PRSS16: variants seen among roughly 807,000 people sequenced by gnomAD.
PRSS16 encodes the protein thymus-specific serine protease.
A neutral mutation model predicts 61.7 loss-of-function variants in PRSS16; 43 were observed. The observed-to-expected ratio is 0.70, with a 90% CI of 0.55 to 0.90. PRSS16 has a LOEUF of 0.90. PRSS16 is among the 40% of genes least tolerant of loss of function. The pLI is 0.00. For synonymous variants in PRSS16, 273 were observed against 285.2 expected, an observed-to-expected ratio of 0.96 and a Z score of 0.43; for missense variants, 591 against 659.1, an observed-to-expected ratio of 0.90 and a Z score of 1.13.
At position 27,255,040 on chromosome 6, in the gene PRSS16, A is replaced by G. The variant is rs1356028982; in HGVS notation, c.1385A>G (p.Glu462Gly). 6.2e-7 allele frequency: 1 copy of G among 1,613,846 alleles called. No individual in the cohort carries two copies. The highest frequency in any genetic ancestry group is 8.5e-7 in the Non-Finnish European group (1 of 1,179,796). Residue 462 changes from glutamate to glycine, a missense_variant, in exon 11 of 12, where the codon GAA becomes GGA. Glu to Gly is a moderately conservative substitution (Grantham distance 98). Transcript: ENST00000230582. This position sits in a 1 kb window ranked among gnomAD's most constrained non-coding sequence, Gnocchi z 4.4. ...LSVTQALGSSESTLLIRTGSH... is the reference protein window; with the variant it reads ...LSVTQALGSSGSTLLIRTGSH... Reference sequence around the variant, plus strand: ...GTAACACAGGCTTTAGGATCCTCAGAATCAACTCTTCTTATCCGCACTGGC... The same window carrying G: ...GTAACACAGGCTTTAGGATCCTCAGGATCAACTCTTCTTATCCGCACTGGC...
rs1759896334 is a variant in PRSS16 at position 27,251,464 on chromosome 6, A to C, written c.717+200A>C. The C allele has an allele frequency of 3.8e-6, 3 of 786,076 alleles. No individual in the cohort carries two copies. The highest frequency in any genetic ancestry group is 5.9e-6 in the Non-Finnish European group (3 of 511,166). 48.7% of individuals were successfully genotyped at this position (786,076 alleles called of 1,614,324 possible). ...CACCAGGAAAAGAGGCGCTCCCCAG[A>C]GAGGGCGGGGTTTGGGCAGGGACAA... On this transcript the variant is annotated intron_variant, in intron 7 of 11. Coordinates refer to ENST00000230582, the MANE Select transcript of PRSS16 (RefSeq NM_005865.4). The surrounding 1 kb of genome is among the most constrained non-coding windows in gnomAD (Gnocchi z 5.6).
rs1237213412 is a variant in PRSS16 at position 27,256,258 on chromosome 6, C to G, written c.*943C>G. 6.5e-6 allele frequency: 1 copy of G among 152,762 alleles called. No individual in the cohort carries two copies. Among genetic ancestry groups the G allele is most frequent in the East Asian group, 1.9e-4 (1 of 5,204 alleles). 9.5% of individuals were successfully genotyped at this position (152,762 alleles called of 1,614,324 possible). A position where few individuals can be genotyped will look rare whatever the true frequency, so the allele number is the denominator to read the frequency against. On this transcript the variant is annotated 3_prime_UTR_variant, in exon 12 of 12. Coordinates refer to ENST00000230582, the MANE Select transcript of PRSS16 (RefSeq NM_005865.4). ...TCTTTTCCCACAATCAAATATCACTCCCTGGTACTTCCAGCTTCCAACTCT... is the reference window on the plus strand; with the variant it reads ...TCTTTTCCCACAATCAAATATCACTGCCTGGTACTTCCAGCTTCCAACTCT...
intron 9 of PRSS16, chr6:27,254,419 T>C: frequency 2.5e-6 from 1 of 393,450 alleles, no homozygotes; most frequent in South Asian, 5.3e-5. Flanking sequence ...GTTCTACTAA[T>C]TTCTCAAGGT....
At chr6:27,249,270 G>A in intron 4 of PRSS16, 41 bp downstream of exon 4, 1 of 1,596,326 alleles carries the variant, frequency 6.3e-7, no homozygotes, top group East Asian at 2.2e-5. Flanking sequence ...CAAAGGACAG[G>A]AATGTCTGTG....
Position 27,251,421 on chromosome 6 carries a change from G to A in PRSS16, c.717+157G>A, listed in dbSNP as rs1176060104. 5.0e-6 allele frequency: 5 copies of A among 1,008,162 alleles called. No homozygotes were observed. Among genetic ancestry groups the A allele is most frequent in the Non-Finnish European group, 7.0e-6 (5 of 711,864 alleles). The allele number at this position is 1,008,162 out of a possible 1,614,324, so 62.5% of individuals were successfully genotyped here. ...ACGCAGGTTTTGGAAGAAGGCGGGA[G>A]CTGACGAAGAGGAGGGGCACCAGGA... On this transcript the variant is annotated intron_variant, in intron 7 of 11. Coordinates refer to ENST00000230582, the MANE Select transcript of PRSS16 (RefSeq NM_005865.4). This position sits in a 1 kb window ranked among gnomAD's most constrained non-coding sequence, Gnocchi z 5.6.
chr6:27,255,342 T>C lies in PRSS16; in HGVS notation c.*27T>C. 6.3e-7 allele frequency: 1 copy of C among 1,578,852 alleles called. No individual in the cohort carries two copies. The highest frequency in any genetic ancestry group is 8.7e-7 in the Non-Finnish European group (1 of 1,154,542). On this transcript the variant is annotated 3_prime_UTR_variant, in exon 12 of 12. Transcript: ENST00000230582. This position sits in a 1 kb window ranked among gnomAD's most constrained non-coding sequence, Gnocchi z 4.4. ...TCTCATACCCTTTCCACTCCCTGCA[T>C]GGTCACCTCAGTCCTGGACATACTT...
In PRSS16 at chr6:27,254,993, A is replaced by G. The variant is rs1445325432; in HGVS notation, c.1338A>G (p.Thr446=). Residue 446 remains threonine, a synonymous_variant, in exon 11 of 12, where the codon ACA becomes ACG. Coordinates refer to ENST00000230582, the MANE Select transcript of PRSS16 (RefSeq NM_005865.4). ...ANKVLFVNGD[T]DPWHVLSVTQ... ...CCTATCCTTTCTTTCCAGGGGACAC[A>G]GACCCCTGGCATGTGCTAAGTGTAA... The G allele has an allele frequency of 2.5e-6, 4 of 1,612,314 alleles. No individual in the cohort carries two copies. The highest frequency in any genetic ancestry group is 3.4e-6 in the Non-Finnish European group (4 of 1,178,474).
Position 27,251,787 on chromosome 6 carries a change from A to AGCGGCGGCTGCGCTCGGGTGGG in PRSS16, c.761_782dup (p.Gln262AlafsTer25), listed in dbSNP as rs762943114. ...GTGTCCGTCGCCTTCGCTGAAGTGG[A>AGCGGCGGCTGCGCTCGGGTGGG]GCGGCGGCTGCGCTCGGGTGGGGCG... is the stretch of plus-strand genomic sequence containing the variant. On this transcript the variant is annotated frameshift_variant, in exon 8 of 12. Transcript: ENST00000230582. LOFTEE classifies it high-confidence loss of function. The surrounding 1 kb of genome is among the most constrained non-coding windows in gnomAD (Gnocchi z 5.6). 4 of 1,608,620 alleles carry AGCGGCGGCTGCGCTCGGGTGGG rather than the reference A, an allele frequency of 2.5e-6. No homozygotes were observed. The highest frequency in any genetic ancestry group is 3.4e-6 in the Non-Finnish European group (4 of 1,178,990).
rs548483879 is a variant in PRSS16 at position 27,251,532 on chromosome 6, G to A, written c.718-218G>A. On this transcript the variant is annotated intron_variant, in intron 7 of 11. Coordinates refer to ENST00000230582, the MANE Select transcript of PRSS16 (RefSeq NM_005865.4). This position sits in a 1 kb window ranked among gnomAD's most constrained non-coding sequence, Gnocchi z 5.6. ...GCTCAAGGTGGGGCGGGGCCACAAT[G>A]GAGGACGGGGCCTGCAGGGAAGACC... The A allele has an allele frequency of 2.8e-6, 2 of 726,866 alleles. No homozygotes were observed. The highest frequency in any genetic ancestry group is 3.6e-5 in the African/African-American group (2 of 55,084). The allele number at this position is 726,866 out of a possible 1,614,324, so 45.0% of individuals were successfully genotyped here.
rs1240043920 is a variant in PRSS16, at chr6:27,247,817, G to T, written c.70+10G>T. On this transcript the variant is annotated intron_variant, in intron 1 of 11. Transcript: ENST00000230582. ...GGACTCTTGGCTCCAGGTAAGAGGA[G>T]GCTGAGGGTCAAGCAGGGCATCCTA... 5 of 1,613,444 alleles carry T rather than the reference G, an allele frequency of 3.1e-6. No homozygotes were observed. The South Asian group carries it at 4.4e-5, about 14-fold the overall frequency.
At position 27,256,449 on chromosome 6, in the gene PRSS16, C is replaced by G. The variant is rs1760031940; in HGVS notation, c.*1134C>G. On this transcript the variant is annotated 3_prime_UTR_variant, in exon 12 of 12. Transcript: ENST00000230582. ...ATTTTCAGCAATAAATACTTCTCAG[C>G]TTTTTGTATGTCTTTGTATGCACAG... 1 of 152,644 alleles carries G rather than the reference C, an allele frequency of 6.6e-6. No homozygotes were observed. The highest frequency in any genetic ancestry group is 6.5e-5 in the Admixed American group (1 of 15,282). The allele number at this position is 152,644 out of a possible 1,614,324, so 9.5% of individuals were successfully genotyped here. A position where few individuals can be genotyped will look rare whatever the true frequency, so the allele number is the denominator to read the frequency against.
Position 27,251,575 on chromosome 6 carries a change from A to C in PRSS16, c.718-175A>C. The C allele has an allele frequency of 2.6e-6, 1 of 389,340 alleles. No individual in the cohort carries two copies. The highest frequency in any genetic ancestry group is 3.6e-6 in the Non-Finnish European group (1 of 274,036). 24.1% of individuals were successfully genotyped at this position (389,340 alleles called of 1,614,324 possible). On this transcript the variant is annotated intron_variant, in intron 7 of 11. Coordinates refer to ENST00000230582, the MANE Select transcript of PRSS16 (RefSeq NM_005865.4). The surrounding 1 kb of genome is among the most constrained non-coding windows in gnomAD (Gnocchi z 5.6). ...GGAAGACCCGAGAAGGAGGGCTGCG[A>C]GGCAGGGGATTGGGGGCGGGGGCCT... is the stretch of plus-strand genomic sequence containing the variant.
chr6:27,255,432 A>C lies in PRSS16; in HGVS notation c.*117A>C. 2 of 1,074,272 alleles carry C rather than the reference A, an allele frequency of 1.9e-6. No homozygotes were observed. The highest frequency in any genetic ancestry group is 2.7e-6 in the Non-Finnish European group (2 of 738,426). 66.5% of individuals were successfully genotyped at this position (1,074,272 alleles called of 1,614,324 possible). On this transcript the variant is annotated 3_prime_UTR_variant, in exon 12 of 12. Coordinates refer to ENST00000230582, the MANE Select transcript of PRSS16 (RefSeq NM_005865.4). This position sits in a 1 kb window ranked among gnomAD's most constrained non-coding sequence, Gnocchi z 4.4. ...AAACTCCCAGGAATTGGAATTCAGCACCTGTTCCGCACGTAATTGGCATGT... is the reference window on the plus strand; with the variant it reads ...AAACTCCCAGGAATTGGAATTCAGCCCCTGTTCCGCACGTAATTGGCATGT...
At position 27,248,043 on chromosome 6, in the gene PRSS16, C is replaced by A. The variant is rs1488393588; in HGVS notation, c.232C>A (p.Leu78Ile). Residue 78 changes from leucine to isoleucine, a missense_variant, in exon 2 of 12, where the codon CTA becomes ATA. Coordinates refer to ENST00000230582, the MANE Select transcript of PRSS16 (RefSeq NM_005865.4). ...PFNVSDRRSFLQRYWVNDQHW... is the reference protein window; with the variant it reads ...PFNVSDRRSFIQRYWVNDQHW... The stretch of plus-strand genomic sequence containing the variant: ...CAACGTGTCCGACAGACGATCCTTC[C>A]TACAGGTGAGGCCGGGAGACGGGGA... The A allele has an allele frequency of 1.2e-6, 2 of 1,613,256 alleles. No homozygotes were observed. Among genetic ancestry groups the A allele is most frequent in the Non-Finnish European group, 1.7e-6 (2 of 1,179,768 alleles).
chr6:27,251,167 G>A lies in PRSS16; in HGVS notation c.669+48G>A, dbSNP rs1008047618. ...GCGGGACGGGGAGGGGTCCCAGCGG[G>A]CGGAGTCCCTTGACACTTCCGGATA... On this transcript the variant is annotated intron_variant, in intron 6 of 11. Coordinates refer to ENST00000230582, the MANE Select transcript of PRSS16 (RefSeq NM_005865.4). This position sits in a 1 kb window ranked among gnomAD's most constrained non-coding sequence, Gnocchi z 5.6. 1.2e-6 allele frequency: 2 copies of A among 1,613,892 alleles called. No homozygotes were observed. The highest frequency in any genetic ancestry group is 2.7e-5 in the African/African-American group (2 of 74,952).
Position 27,252,241 on chromosome 6 carries a change from C to T in PRSS16, c.1008+201C>T. 1 of 647,480 alleles carries T rather than the reference C, an allele frequency of 1.5e-6. No homozygotes were observed. Among genetic ancestry groups the T allele is most frequent in the Non-Finnish European group, 2.5e-6 (1 of 403,354 alleles). The allele number at this position is 647,480 out of a possible 1,614,324, so 40.1% of individuals were successfully genotyped here. ...AGCAATCAGCTGGGAGCCTGGCACA[C>T]AGTGTGCGAATGTTAGAGACTGCGA... On this transcript the variant is annotated intron_variant, in intron 8 of 11. Transcript: ENST00000230582. This position sits in a 1 kb window ranked among gnomAD's most constrained non-coding sequence, Gnocchi z 4.2.
chr6:27,254,455 T>C, intron 9 of PRSS16: 1 of 498,042 alleles, frequency 2.0e-6, no homozygotes, highest in Non-Finnish European at 3.6e-6. Flanking sequence ...ATGCTTTCCC[T>C]GAGCCCATCA....
chr6:27,255,433 C>G lies in PRSS16; in HGVS notation c.*118C>G. On this transcript the variant is annotated 3_prime_UTR_variant, in exon 12 of 12. Transcript: ENST00000230582. This position sits in a 1 kb window ranked among gnomAD's most constrained non-coding sequence, Gnocchi z 4.4. ...AACTCCCAGGAATTGGAATTCAGCACCTGTTCCGCACGTAATTGGCATGTG... is the reference window on the plus strand; with the variant it reads ...AACTCCCAGGAATTGGAATTCAGCAGCTGTTCCGCACGTAATTGGCATGTG... 9.5e-7 allele frequency: 1 copy of G among 1,052,574 alleles called. No individual in the cohort carries two copies. The highest frequency in any genetic ancestry group is 1.5e-5 in the South Asian group (1 of 64,670). 65.2% of individuals were successfully genotyped at this position (1,052,574 alleles called of 1,614,324 possible).
At chr6:27,253,375 C>T (rs1451967269) in intron 9 of PRSS16, 1 of 365,812 alleles carries the variant, frequency 2.7e-6, no homozygotes. Flanking sequence ...CTCTGCTGTC[C>T]TGCTGGGAAC....
Sources: allele counts gnomAD v4.1 joint callset, GRCh38; gene constraint gnomAD v4.1.1; non-coding constraint Gnocchi (gnomAD v3.1); transcripts MANE v1.5; gene names NCBI Gene and HGNC (gene_info 2026-07-23, HGNC 2026-07-21).